The following DNAJC1 variants were observed in gnomAD, a reference collection of about 807,000 sequenced individuals.
DNAJC1 encodes the protein dnaJ homolog subfamily C member 1.
Under a neutral mutation model 76.6 loss-of-function variants are expected in DNAJC1, and 58 were observed. The ratio of observed to expected loss-of-function variants is 0.76; its 90% CI spans 0.61 to 0.94. The LOEUF (loss-of-function observed/expected upper bound fraction) is 0.94, where lower values mean the gene tolerates loss of function less well. Ranked by LOEUF, DNAJC1 falls within the 40% of genes least tolerant of loss-of-function variation. DNAJC1 has a pLI of 0.00. For missense variants in DNAJC1, 689 were observed against 677.3 expected, an observed-to-expected ratio of 1.02 and a Z score of -0.19; for synonymous variants, 258 against 267.9, an observed-to-expected ratio of 0.96 and a Z score of 0.36.
chr10:21,804,783 C>A (rs1348988935), intron 9 of DNAJC1, among the ~76,000 whole-genome samples: 1 of 151,656 alleles, frequency 6.6e-6, no homozygotes, highest in South Asian at 2.1e-4. Flanking sequence ...TTTTAAATGA[C>A]CTATACAGTA....
At position 21,895,652 on chromosome 10, in the gene DNAJC1, G is replaced by A. The variant is rs568103771; in HGVS notation, c.820+8870C>T. Among the ~76,000 whole-genome samples the A allele has an allele frequency of 9.0e-4, 137 of 152,264 alleles. No homozygotes were observed. The Middle Eastern group carries it at 0.01, about 11-fold the overall frequency. ...GTATGCTTGAGGGAGAATGCCAAGG[G>A]TGTCGCCAAGCAAACATTTGATAAG... On this transcript the variant is annotated intron_variant, in intron 7 of 11. Coordinates refer to ENST00000376980, the MANE Select transcript of DNAJC1 (RefSeq NM_022365.4).
intron 7 of DNAJC1, 122 bp downstream of exon 7, chr10:21,904,400 G>C (rs1398915678): frequency 1.8e-6 from 1 of 565,210 alleles, no homozygotes; most frequent in African/African-American, 2.0e-5. Context: ...ACTCCACTAG[G>C]GAGTGGGAAA....
intron 1 of DNAJC1, among the ~76,000 whole-genome samples, chr10:21,970,491 C>T (rs1164625738): frequency 6.6e-6 from 1 of 151,974 alleles, no homozygotes; most frequent in Non-Finnish European, 1.5e-5. Context: ...GGCTAATAAA[C>T]ATTTTTAAAT....
chr10:21,904,343 A>C (rs1836707797), intron 7 of DNAJC1, among the ~76,000 whole-genome samples, 179 bp downstream of exon 7: 1 of 152,060 alleles, frequency 6.6e-6, no homozygotes, highest in African/African-American at 2.4e-5. Flanking sequence ...TGGTAAAGTA[A>C]TGCTATAATG....
At chr10:21,788,232 A>G (rs1041818912) in intron 9 of DNAJC1, among the ~76,000 whole-genome samples, 4 of 152,206 alleles carry the variant, frequency 2.6e-5, no homozygotes, top group African/African-American at 9.7e-5. Flanking sequence ...CCTGAGCTGG[A>G]ACTGTGCACT....
At chr10:21,910,131 T>G (rs962250566) in intron 6 of DNAJC1, among the ~76,000 whole-genome samples, 2 of 152,046 alleles carry the variant, frequency 1.3e-5, no homozygotes, top group African/African-American at 4.8e-5. Flanking sequence ...TTTTTTTCTT[T>G]TTCAGATGGA....
At position 21,759,237 on chromosome 10, in the gene DNAJC1, T is replaced by C; in HGVS notation, c.1529A>G (p.Gln510Arg). ...NQQKLLELAL[Q>R]QYPRGSSDRW... ...GTCAGAGGATCCCCTTGGGTACTGC[T>C]GCAACGCCAGTTCCAGAAGTTTCTG... The change falls in exon 11 of 12, where the codon CAG (glutamine) becomes CGG (arginine). Residue 510 changes from glutamine to arginine, a missense_variant. Transcript: ENST00000376980. 6.2e-7 allele frequency: 1 copy of C among 1,614,226 alleles called. No homozygotes were observed. The highest frequency in any genetic ancestry group is 2.2e-5 in the East Asian group (1 of 44,886).
chr10:21,927,427 G>C (rs1031196399), intron 3 of DNAJC1, among the ~76,000 whole-genome samples: 22 of 152,180 alleles, frequency 1.4e-4, no homozygotes, highest in Middle Eastern at 3.2e-3. Context: ...TACCCCCCTA[G>C]TGAAGGACAC....
At chr10:21,938,500 T>C (rs569738787) in intron 1 of DNAJC1, among the ~76,000 whole-genome samples, 44 of 152,322 alleles carry the variant, frequency 2.9e-4, no homozygotes, top group African/African-American at 1.0e-3. Flanking sequence ...TGGCAAACTG[T>C]TTCTGTAAAG....
chr10:21,986,899 T>C (rs997864256), intron 1 of DNAJC1, among the ~76,000 whole-genome samples: 3 of 151,930 alleles, frequency 2.0e-5, no homozygotes, highest in Admixed American at 6.6e-5. Flanking sequence ...TCCCGAGTAG[T>C]TGGGCTTATA....
At chr10:21,952,781 T>C (rs1837620963) in intron 1 of DNAJC1, among the ~76,000 whole-genome samples, 2 of 152,116 alleles carry the variant, frequency 1.3e-5, no homozygotes, top group South Asian at 4.1e-4. Context: ...AATCAATCGA[T>C]AATAAAGACA....
At chr10:21,795,096 CT>C (rs1834736816) in intron 9 of DNAJC1, among the ~76,000 whole-genome samples, 1 of 151,792 alleles carries the variant, frequency 6.6e-6, no homozygotes, top group Non-Finnish European at 1.5e-5. Flanking sequence ...ATAAAGAACT[CT>C]TATGACAGGA....
At chr10:21,960,371 C>T (rs190085657) in intron 1 of DNAJC1, among the ~76,000 whole-genome samples, 6 of 151,956 alleles carry the variant, frequency 3.9e-5, no homozygotes, top group Admixed American at 2.6e-4. Flanking sequence ...TTGAAGAATT[C>T]GGGAATAAAA....
chr10:21,984,097 CA>C, intron 1 of DNAJC1, among the ~76,000 whole-genome samples: 1 of 152,136 alleles, frequency 6.6e-6, no homozygotes, highest in East Asian at 1.9e-4. Context: ...ATTCTATAGA[CA>C]AAAATATCAA....
At chr10:21,915,409 C>T (rs569350011) in intron 6 of DNAJC1, among the ~76,000 whole-genome samples, 2 of 152,250 alleles carry the variant, frequency 1.3e-5, no homozygotes, top group South Asian at 4.1e-4. Flanking sequence ...ATTGCTATGA[C>T]AAGATTTGGG....
At chr10:21,916,291 C>A (rs1444809414) in intron 6 of DNAJC1, among the ~76,000 whole-genome samples, 2 of 152,084 alleles carry the variant, frequency 1.3e-5, no homozygotes, top group South Asian at 4.1e-4. Flanking sequence ...AGATCGAGAC[C>A]ATCCTGGCTA....
rs544999730 is a variant in DNAJC1 at position 21,958,811 on chromosome 10, A to G, written c.223-29670T>C. Reference sequence around the variant, plus strand: ...TTAAACGTCAGATTTGGCAGAAAAAAAAATCACTATTTTTTTTGCAGAAAA... The same window carrying G: ...TTAAACGTCAGATTTGGCAGAAAAAGAAATCACTATTTTTTTTGCAGAAAA... On this transcript the variant is annotated intron_variant, in intron 1 of 11. Coordinates refer to ENST00000376980, the MANE Select transcript of DNAJC1 (RefSeq NM_022365.4). Among the ~76,000 whole-genome samples, 7 of 152,244 alleles carry G rather than the reference A, an allele frequency of 4.6e-5. No individual in the cohort carries two copies. The South Asian group carries it at 1.0e-3, about 23-fold the overall frequency.
intron 8 of DNAJC1, among the ~76,000 whole-genome samples, chr10:21,824,446 G>A (rs897574374): frequency 1.3e-5 from 2 of 152,182 alleles, no homozygotes; most frequent in Admixed American, 1.3e-4. Context: ...GGAAAAGTTT[G>A]GCAACACAGG....
chr10:21,899,996 G>A (rs771343181), intron 7 of DNAJC1, among the ~76,000 whole-genome samples: 2 of 152,124 alleles, frequency 1.3e-5, no homozygotes, highest in Non-Finnish European at 2.9e-5. Context: ...GTGTAACATG[G>A]TAGACTTTGT....
Sources: allele counts gnomAD v4.1 joint callset (sites outside exome capture counted in the v4.1 genomes callset), GRCh38; gene constraint gnomAD v4.1.1; transcripts MANE v1.5; gene names NCBI Gene and HGNC (gene_info 2026-07-23, HGNC 2026-07-21).